The following UPK3A variants were observed in gnomAD, a reference collection of about 807,000 sequenced individuals.
UPK3A encodes the protein uroplakin 3A, also known as uroplakin-3a.
UPK3A carries 32 observed loss-of-function variants against 27.6 expected under a neutral mutation model. The ratio of observed to expected loss-of-function variants is 1.16; its 90% CI spans 0.87 to 1.55. The LOEUF is 1.55. Ranked by LOEUF, UPK3A falls within the 40% of genes most tolerant of loss-of-function variation. The probability of loss-of-function intolerance (pLI) is 0.00; values close to 1 mark genes in which losing one functional copy is unlikely to be tolerated. For synonymous variants in UPK3A, 171 were observed against 163.9 expected, an observed-to-expected ratio of 1.04 and a Z score of -0.33; for missense variants, 370 against 367.9, an observed-to-expected ratio of 1.01 and a Z score of -0.05.
chr22:45,290,734 T>G (rs1003329255), intron 4 of UPK3A, among the ~76,000 whole-genome samples: 1 of 151,936 alleles, frequency 6.6e-6, no homozygotes, highest in Admixed American at 6.6e-5. Context: ...AGTGGGCGAG[T>G]GAAACTTCAT....
At chr22:45,286,336 C>G (rs2084117818) in intron 2 of UPK3A, among the ~76,000 whole-genome samples, 1 of 152,210 alleles carries the variant, frequency 6.6e-6, no homozygotes, top group Non-Finnish European at 1.5e-5. Flanking sequence ...GAGCTAGTAT[C>G]TACAACCAGC....
intron 3 of UPK3A, 66 bp from the exon 4 acceptor site, chr22:45,288,995 C>G: frequency 2.0e-6 from 3 of 1,534,860 alleles, no homozygotes; most frequent in East Asian, 2.3e-5. Context: ...TACATCCCCC[C>G]ACCGCCTCCC....
intron 3 of UPK3A, among the ~76,000 whole-genome samples, chr22:45,287,707 G>A (rs1415803612): frequency 6.6e-6 from 1 of 152,050 alleles, no homozygotes; most frequent in African/African-American, 2.4e-5. Flanking sequence ...CCATTTCCCA[G>A]GCTGGAGTAC....
chr22:45,294,048 C>A (rs1251248036), intron 5 of UPK3A, among the ~76,000 whole-genome samples: 2 of 151,998 alleles, frequency 1.3e-5, no homozygotes, highest in East Asian at 3.9e-4. Context: ...AACCAAGGTG[C>A]CGTGGGAATC....
At chr22:45,288,375 T>C (rs189468430) in intron 3 of UPK3A, among the ~76,000 whole-genome samples, 2 of 152,272 alleles carry the variant, frequency 1.3e-5, no homozygotes, top group East Asian at 3.9e-4. Flanking sequence ...TGTTTTTGTA[T>C]TTTTAGTAGA....
chr22:45,291,506 G>C (rs1469006242), intron 4 of UPK3A, among the ~76,000 whole-genome samples: 1 of 150,840 alleles, frequency 6.6e-6, no homozygotes, highest in Non-Finnish European at 1.5e-5. Flanking sequence ...GTGAGTGTGA[G>C]AGTGTGTGTG....
chr22:45,287,726 A>C (rs113852468), intron 3 of UPK3A, among the ~76,000 whole-genome samples: 8,379 of 152,146 alleles, frequency 0.055, 531 homozygotes, highest in African/African-American at 0.15. Flanking sequence ...ACAGTGACAC[A>C]ATCTCAGCTC....
chr22:45,285,053 C>T lies in UPK3A; in HGVS notation c.40C>T (p.Arg14Trp), dbSNP rs200385320. The T allele has an allele frequency of 2.6e-6, 4 of 1,536,312 alleles. No homozygotes were observed. The highest frequency in any genetic ancestry group is 1.9e-5 in the Admixed American group (1 of 51,386). ...GGCCCTGCTGGCCCTCGGCTGCCTG[C>T]GGTTCGGCTCGGGTAGGCGGTGAAG... ...LWALLALGCL[R>W]FGSAVNLQPQ... The change falls in exon 1 of 6, where the codon CGG (arginine) becomes TGG (tryptophan). Residue 14 changes from arginine to tryptophan, a missense_variant. By Grantham distance (101) the Arg-to-Trp change is moderately radical (BLOSUM62 -3). Coordinates refer to ENST00000216211, the MANE Select transcript of UPK3A (RefSeq NM_006953.4).
At chr22:45,290,648 G>A (rs2084154056) in intron 4 of UPK3A, among the ~76,000 whole-genome samples, 1 of 151,992 alleles carries the variant, frequency 6.6e-6, no homozygotes, top group Non-Finnish European at 1.5e-5. Flanking sequence ...TATATCAGGG[G>A]TCCCCAACCC....
Position 45,293,327 on chromosome 22 carries a change from T to G in UPK3A, c.704+14T>G, listed in dbSNP as rs573255204. Reference sequence around the variant, plus strand: ...CCTCAGCCTCGTGTAAGTACCTGCCTGCTGGGAGGGCTGGACCCCAGGGAC... The same window carrying G: ...CCTCAGCCTCGTGTAAGTACCTGCCGGCTGGGAGGGCTGGACCCCAGGGAC... On this transcript the variant is annotated intron_variant, in intron 5 of 5. Coordinates refer to ENST00000216211, the MANE Select transcript of UPK3A (RefSeq NM_006953.4). 4 of 1,613,424 alleles carry G rather than the reference T, an allele frequency of 2.5e-6. No homozygotes were observed. The highest frequency in any genetic ancestry group is 3.4e-6 in the Non-Finnish European group (4 of 1,180,010).
chr22:45,291,526 ATGTGTGT>A (rs1250787331), intron 4 of UPK3A, among the ~76,000 whole-genome samples: 1 of 137,072 alleles, frequency 7.3e-6, no homozygotes, highest in African/African-American at 2.8e-5. Context: ...GTGAGTTGGA[ATGTGTGT>A]TGTGTGGTGT....
chr22:45,293,936 T>C (rs548624655), intron 5 of UPK3A, among the ~76,000 whole-genome samples: 1 of 152,120 alleles, frequency 6.6e-6, no homozygotes, highest in South Asian at 2.1e-4. Context: ...GGATGAGGAC[T>C]TGAGGTCTCC....
At chr22:45,287,007 C>T (rs913652817) in intron 2 of UPK3A, among the ~76,000 whole-genome samples, 165 bp from the exon 3 acceptor site, 1 of 152,226 alleles carries the variant, frequency 6.6e-6, no homozygotes, top group African/African-American at 2.4e-5. Context: ...GTCCATCTCC[C>T]ACATTGCACT....
intron 5 of UPK3A, among the ~76,000 whole-genome samples, chr22:45,294,414 C>CA (rs953957695): frequency 1.5e-5 from 1 of 65,776 alleles, no homozygotes; most frequent in South Asian, 5.1e-4. Context: ...CCCTGGTACA[C>CA]CCCCCCCGGG....
chr22:45,293,763 G>A (rs764506671), intron 5 of UPK3A, among the ~76,000 whole-genome samples: 6 of 152,152 alleles, frequency 3.9e-5, no homozygotes, highest in Non-Finnish European at 7.3e-5. Context: ...ATTTGCTTTC[G>A]TTGTCATTAT....
intron 5 of UPK3A, 67 bp downstream of exon 5, chr22:45,293,380 C>G: frequency 1.9e-6 from 3 of 1,600,544 alleles, no homozygotes; most frequent in East Asian, 2.2e-5. Flanking sequence ...CTCACAGGGA[C>G]TCAGCAGTGG....
At chr22:45,292,527 G>A (rs1027460635) in intron 4 of UPK3A, among the ~76,000 whole-genome samples, 3 of 152,198 alleles carry the variant, frequency 2.0e-5, no homozygotes, top group Non-Finnish European at 4.4e-5. Context: ...CGTCAGACCA[G>A]GGCCCTTTGC....
rs1166717745 is a variant in UPK3A, at chr22:45,285,116, C to T, written c.52+51C>T. On this transcript the variant is annotated intron_variant, in intron 1 of 5. Transcript: ENST00000216211. Reference sequence around the variant, plus strand: ...CTGAGCCCAGAAAGAGCGGGCAGCTCTGCCCTGGGGCGCCCGCCGCCTGGA... The same window carrying T: ...CTGAGCCCAGAAAGAGCGGGCAGCTTTGCCCTGGGGCGCCCGCCGCCTGGA... 15 of 1,509,310 alleles carry T rather than the reference C, an allele frequency of 9.9e-6. No individual in the cohort carries two copies. In the South Asian group the frequency reaches 1.7e-4, roughly 17 times the overall value. 93.5% of individuals were successfully genotyped at this position (1,509,310 alleles called of 1,614,324 possible). A position where few individuals can be genotyped will look rare whatever the true frequency, so the allele number is the denominator to read the frequency against.
Position 45,287,412 on chromosome 22 carries a change from G to A in UPK3A, c.449G>A (p.Gly150Asp). Residue 150 changes from glycine (G) to aspartate (D), a missense_variant, in exon 3 of 6, where the codon GGC becomes GAC. Physicochemically the swap from Gly to Asp is moderately conservative, Grantham distance 94. Coordinates refer to ENST00000216211, the MANE Select transcript of UPK3A (RefSeq NM_006953.4). ...TGCCTGTGGGATCCCAACTTCCAGG[G>A]CCTCTGTAACGCACCCCTGTCGGCA... ...GTCLWDPNFQ[G>D]LCNAPLSAAT... 3 of 1,610,318 alleles carry A rather than the reference G, an allele frequency of 1.9e-6. No homozygotes were observed. Among genetic ancestry groups the A allele is most frequent in the Non-Finnish European group, 2.5e-6 (3 of 1,178,374 alleles).
Sources: gnomAD v4.1 joint callset for allele counts (sites outside exome capture counted in the v4.1 genomes callset) on GRCh38, gnomAD v4.1.1 for gene constraint, MANE v1.5 for transcripts, NCBI Gene and HGNC (gene_info 2026-07-23, HGNC 2026-07-21) for gene names.